Variants in OTUD7A observed in about 807,000 individuals in gnomAD.
The protein encoded by OTUD7A is OTU deubiquitinase 7A, also known as OTU domain-containing protein 7A.
OTUD7A carries 12 observed loss-of-function variants against 65.7 expected under a neutral mutation model. That is an observed-to-expected ratio of 0.18 (90% confidence interval 0.12 to 0.30). The LOEUF is 0.30. Among genes scored for constraint, OTUD7A ranks in the 10% least tolerant of loss-of-function variants. The pLI is 1.00. For synonymous variants in OTUD7A, 641 were observed against 586.3 expected (o/e 1.09, Z -1.35); for missense variants, 1,148 against 1,304.8 (o/e 0.88, Z 1.85).
chr15:31,576,823 C>A (rs1463615202), intron 3 of OTUD7A, among the ~76,000 whole-genome samples: 1 of 152,142 alleles, frequency 6.6e-6, no homozygotes, highest in Non-Finnish European at 1.5e-5. Context: ...AAATCCTAAT[C>A]CCCACCAACT....
At chr15:31,735,490 C>T (rs1446159939) in intron 1 of OTUD7A, among the ~76,000 whole-genome samples, 6 of 150,544 alleles carry the variant, frequency 4.0e-5, no homozygotes, top group South Asian at 2.1e-4. Context: ...ATTGAGATTG[C>T]GCCACTGTAC....
chr15:31,490,553 A>C (rs967105407), intron 10 of OTUD7A, among the ~76,000 whole-genome samples: 4 of 152,228 alleles, frequency 2.6e-5, no homozygotes, highest in African/African-American at 9.6e-5. Flanking sequence ...TATCTAAGGA[A>C]AGACAGGTGC....
chr15:31,751,298 A>C (rs1219983894), intron 1 of OTUD7A, among the ~76,000 whole-genome samples: 1 of 149,746 alleles, frequency 6.7e-6, no homozygotes, highest in East Asian at 1.9e-4. Flanking sequence ...ATGAGTGGCC[A>C]ACAAACATAT....
intron 5 of OTUD7A, among the ~76,000 whole-genome samples, chr15:31,532,705 ATCACGAGG>A (rs1887668683): frequency 6.6e-6 from 1 of 152,078 alleles, no homozygotes; most frequent in African/African-American, 2.4e-5. Flanking sequence ...AGGCGGGCGG[ATCACGAGG>A]TCAGGAGATT....
chr15:31,677,725 T>C (rs1387428415), intron 1 of OTUD7A, among the ~76,000 whole-genome samples: 3 of 152,246 alleles, frequency 2.0e-5, no homozygotes, highest in African/African-American at 7.2e-5. Context: ...ATTAAATCTC[T>C]TTCCTTTGTA....
chr15:31,559,267 T>C (rs1888603898), intron 4 of OTUD7A, 80 bp from the exon 5 acceptor site: 4 of 1,312,970 alleles, frequency 3.0e-6, no homozygotes, highest in Non-Finnish European at 3.2e-6. Flanking sequence ...ACACATACTA[T>C]GCACACACAA....
chr15:31,591,311 G>C (rs918711395), intron 3 of OTUD7A, among the ~76,000 whole-genome samples: 4 of 152,134 alleles, frequency 2.6e-5, no homozygotes, highest in Non-Finnish European at 5.9e-5. Context: ...GATACATGGG[G>C]AAGGGGCACA....
intron 1 of OTUD7A, among the ~76,000 whole-genome samples, chr15:31,842,727 T>C (rs891589497): frequency 6.6e-6 from 1 of 152,192 alleles, no homozygotes; most frequent in African/African-American, 2.4e-5. Context: ...CTGACCTACT[T>C]AGGGCTGGGA....
chr15:31,578,967 C>T (rs1889289616), intron 3 of OTUD7A, among the ~76,000 whole-genome samples: 1 of 152,228 alleles, frequency 6.6e-6, no homozygotes, highest in Non-Finnish European at 1.5e-5. Context: ...AGACCTGTGT[C>T]ATGGGCCATG....
chr15:31,578,724 G>A (rs1009340386), intron 3 of OTUD7A, among the ~76,000 whole-genome samples: 1 of 152,116 alleles, frequency 6.6e-6, no homozygotes, highest in Non-Finnish European at 1.5e-5. Flanking sequence ...GCTACTTTTT[G>A]TATTTTTAGT....
intron 1 of OTUD7A, among the ~76,000 whole-genome samples, chr15:31,762,244 A>G (rs1374605867): frequency 6.6e-6 from 1 of 152,234 alleles, no homozygotes; most frequent in Non-Finnish European, 1.5e-5. Flanking sequence ...GCTTCCAGGC[A>G]TGTTCCTAAA....
intron 3 of OTUD7A, among the ~76,000 whole-genome samples, chr15:31,640,045 A>G (rs1001159016): frequency 2.6e-5 from 4 of 152,138 alleles, no homozygotes; most frequent in Non-Finnish European, 5.9e-5. Flanking sequence ...TCTTTTATGG[A>G]TTGTTCATGG....
intron 1 of OTUD7A, among the ~76,000 whole-genome samples, chr15:31,865,711 G>A (rs1457892534): frequency 6.6e-6 from 1 of 152,184 alleles, no homozygotes; most frequent in Non-Finnish European, 1.5e-5. Context: ...CTCCTCTTGA[G>A]TGAGCTCCTA....
chr15:31,514,048 TC>T (rs2041804729), intron 8 of OTUD7A, among the ~76,000 whole-genome samples: 1 of 68,400 alleles, frequency 1.5e-5, no homozygotes. Flanking sequence ...TTTCTTTCTT[TC>T]TTTCTTTCTT....
At chr15:31,790,801 T>G (rs1895793902) in intron 1 of OTUD7A, among the ~76,000 whole-genome samples, 1 of 152,168 alleles carries the variant, frequency 6.6e-6, no homozygotes, top group African/African-American at 2.4e-5. Context: ...TGCTGCCTCA[T>G]GATGGGCCCC....
intron 1 of OTUD7A, among the ~76,000 whole-genome samples, chr15:31,828,393 C>T (rs569974796): frequency 6.6e-6 from 1 of 152,064 alleles, no homozygotes; most frequent in Non-Finnish European, 1.5e-5. Context: ...TAGATGTTTA[C>T]ATCGTGTAAT....
intron 8 of OTUD7A, among the ~76,000 whole-genome samples, chr15:31,509,803 T>C (rs2041652034): frequency 6.6e-6 from 1 of 151,976 alleles, no homozygotes; most frequent in African/African-American, 2.4e-5. Context: ...ATGACTTTTA[T>C]AGACAATTTT....
intron 8 of OTUD7A, among the ~76,000 whole-genome samples, chr15:31,515,937 T>TCCAC (rs1374969098): frequency 7.2e-6 from 1 of 139,434 alleles, no homozygotes; most frequent in Non-Finnish European, 1.6e-5. Context: ...CCTCTATCCA[T>TCCAC]CCATCCATCC....
At chr15:31,648,595 T>C (rs1891745806) in intron 3 of OTUD7A, among the ~76,000 whole-genome samples, 1 of 152,106 alleles carries the variant, frequency 6.6e-6, no homozygotes, top group Non-Finnish European at 1.5e-5. Flanking sequence ...CAAAGCTTCG[T>C]CTCCTTAACC....
Sources: gnomAD v4.1 joint callset for allele counts (sites outside exome capture counted in the v4.1 genomes callset) on GRCh38, gnomAD v4.1.1 for gene constraint, MANE v1.5 for transcripts, NCBI Gene and HGNC (gene_info 2026-07-23, HGNC 2026-07-21) for gene names.